The following FGF12 variants were observed in gnomAD, a reference collection of about 807,000 sequenced individuals.
The protein encoded by FGF12 is fibroblast growth factor 12.
In FGF12, 14 loss-of-function variants were observed where a neutral mutation model predicts 23.6. That is an observed-to-expected ratio of 0.59 (90% CI 0.39 to 0.93). The LOEUF (loss-of-function observed/expected upper bound fraction) is 0.93, where lower values mean the gene tolerates loss of function less well. FGF12 is among the 40% of genes least tolerant of loss of function. The probability of loss-of-function intolerance (pLI) is 0.00; values close to 1 mark genes in which losing one functional copy is unlikely to be tolerated. For missense variants in FGF12, 175 were observed against 217.8 expected (o/e 0.80, Z 1.24); for synonymous variants, 62 against 77.3 (o/e 0.80, Z 1.04).
At chr3:192,508,688 T>C (rs1724384711) in intron 2 of FGF12, among the ~76,000 whole-genome samples, 1 of 152,196 alleles carries the variant, frequency 6.6e-6, no homozygotes, top group African/African-American at 2.4e-5. Flanking sequence ...TGTTAAAAAT[T>C]GCTTCTTTTT....
intron 2 of FGF12, among the ~76,000 whole-genome samples, chr3:192,701,275 T>A (rs7634764): frequency 6.6e-6 from 1 of 151,904 alleles, no homozygotes; most frequent in Non-Finnish European, 1.5e-5. Flanking sequence ...TCTTTCCAGA[T>A]GGAACCAACA....
chr3:192,251,837 A>G (rs1712032536), intron 4 of FGF12, among the ~76,000 whole-genome samples: 1 of 152,078 alleles, frequency 6.6e-6, no homozygotes, highest in South Asian at 2.1e-4. Flanking sequence ...CTTGATGGAG[A>G]GCTTTGTCTG....
chr3:192,713,050 G>A (rs1048691822), intron 2 of FGF12, among the ~76,000 whole-genome samples: 4 of 152,064 alleles, frequency 2.6e-5, no homozygotes, highest in African/African-American at 7.2e-5. Context: ...AGCTGGGCAC[G>A]TAAAAACAAG....
At chr3:192,253,000 T>G (rs1257143589) in intron 4 of FGF12, among the ~76,000 whole-genome samples, 4 of 152,140 alleles carry the variant, frequency 2.6e-5, no homozygotes. Context: ...GAAATGCATA[T>G]CCTTGAAAAT....
chr3:192,539,654 C>T, intron 2 of FGF12, among the ~76,000 whole-genome samples: 1 of 152,112 alleles, frequency 6.6e-6, no homozygotes, highest in East Asian at 1.9e-4. Context: ...CAGGGTAATA[C>T]TGGCCTCATA....
chr3:192,551,897 A>G (rs547796351), intron 2 of FGF12, among the ~76,000 whole-genome samples: 2 of 152,300 alleles, frequency 1.3e-5, no homozygotes, highest in East Asian at 1.9e-4. Context: ...ACAAATCCCA[A>G]CATGATAGAG....
intron 4 of FGF12, among the ~76,000 whole-genome samples, chr3:192,192,749 T>A (rs771689084): frequency 6.6e-6 from 1 of 152,114 alleles, no homozygotes; most frequent in Non-Finnish European, 1.5e-5. Context: ...TTTAATTCTA[T>A]ATTGTTGCAT....
chr3:192,235,162 A>G (rs1452166446), intron 4 of FGF12, among the ~76,000 whole-genome samples: 3 of 152,096 alleles, frequency 2.0e-5, no homozygotes, highest in Non-Finnish European at 4.4e-5. Context: ...CTGTGAGTCC[A>G]TCTGGTTCAG....
chr3:192,553,154 C>G (rs1379735775), intron 2 of FGF12, among the ~76,000 whole-genome samples: 1 of 151,894 alleles, frequency 6.6e-6, no homozygotes, highest in Non-Finnish European at 1.5e-5. Flanking sequence ...GATTGAAGCA[C>G]AGATATGCAA....
At position 192,523,982 on chromosome 3, in the gene FGF12, T is replaced by C. The variant is rs1458601069; in HGVS notation, c.14-163444A>G. On this transcript the variant is annotated intron_variant, in intron 2 of 5. Coordinates refer to ENST00000445105, the MANE Select transcript of FGF12 (RefSeq NM_004113.6). ...ATATGTATATGTGGAATGACTTCATTTGGGGTTTTAGGGAATAAAATTTTA... is the reference window on the plus strand; with the variant it reads ...ATATGTATATGTGGAATGACTTCATCTGGGGTTTTAGGGAATAAAATTTTA... Among the ~76,000 whole-genome samples the C allele has an allele frequency of 1.3e-5, 2 of 152,180 alleles. 1 individual carries two copies. Among genetic ancestry groups the C allele is most frequent in the Non-Finnish European group, 2.9e-5 (2 of 68,030 alleles).
chr3:192,714,685 A>AT (rs916019732), intron 2 of FGF12, among the ~76,000 whole-genome samples: 1 of 151,628 alleles, frequency 6.6e-6, no homozygotes, highest in Non-Finnish European at 1.5e-5. Context: ...CGTCCGGCTA[A>AT]TTTTTTGTAT....
intron 2 of FGF12, among the ~76,000 whole-genome samples, chr3:192,641,404 CTTT>C (rs1186966084): frequency 1.3e-4 from 4 of 30,260 alleles, no homozygotes; most frequent in Non-Finnish European, 2.3e-4. Flanking sequence ...CGCGCCCGGC[CTTT>C]TTTTTTTTTT....
At chr3:192,461,981 ACT>A (rs1722878578) in intron 2 of FGF12, among the ~76,000 whole-genome samples, 1 of 151,346 alleles carries the variant, frequency 6.6e-6, no homozygotes, top group South Asian at 2.1e-4. Context: ...CAAGAGCGAA[ACT>A]CTGTCACAAG....
chr3:192,279,853 T>C (rs371058159), intron 4 of FGF12, among the ~76,000 whole-genome samples: 14 of 152,350 alleles, frequency 9.2e-5, no homozygotes, highest in East Asian at 3.9e-4. Flanking sequence ...CCAGGGTCCC[T>C]TCCAGATTTG....
chr3:192,196,216 C>A (rs533001561), intron 4 of FGF12, among the ~76,000 whole-genome samples: 1 of 152,046 alleles, frequency 6.6e-6, no homozygotes, highest in Non-Finnish European at 1.5e-5. Flanking sequence ...GCACTATTCA[C>A]AATAAACAAG....
At chr3:192,656,304 CACACACACACACACACAGAG>C (rs1229773440) in intron 2 of FGF12, among the ~76,000 whole-genome samples, 1 of 92,566 alleles carries the variant, frequency 1.1e-5, no homozygotes, top group Non-Finnish European at 2.6e-5. Context: ...CACACACACA[CACACACACACACACACAGAG>C]AGAGAATTAT....
chr3:192,567,753 C>CTTTCTTTCT (rs1553831581), intron 2 of FGF12, among the ~76,000 whole-genome samples: 3 of 126,120 alleles, frequency 2.4e-5, no homozygotes, highest in Admixed American at 8.1e-5. Flanking sequence ...TTCTTTCTTT[C>CTTTCTTTCT]TTTCTTTCTT....
chr3:192,577,657 G>A (rs1487794839), intron 2 of FGF12, among the ~76,000 whole-genome samples: 4 of 152,178 alleles, frequency 2.6e-5, no homozygotes, highest in East Asian at 1.9e-4. Context: ...AGACTAAAGT[G>A]ATATGATTGA....
chr3:192,381,020 T>A lies in FGF12; in HGVS notation c.14-20482A>T, dbSNP rs1159826899. On this transcript the variant is annotated intron_variant, in intron 2 of 5. Coordinates refer to ENST00000445105, the MANE Select transcript of FGF12 (RefSeq NM_004113.6). Reference sequence around the variant, plus strand: ...CCAAATTAGTAGTGAATATAGAAATTATTGCAATATCATACATTCATTTTC... The same window carrying A: ...CCAAATTAGTAGTGAATATAGAAATAATTGCAATATCATACATTCATTTTC... Among the ~76,000 whole-genome samples, 3 of 151,172 alleles carry A rather than the reference T, an allele frequency of 2.0e-5. No individual in the cohort carries two copies. The East Asian group carries it at 5.8e-4, about 29-fold the overall frequency.
Sources: gnomAD v4.1 joint callset for allele counts (sites outside exome capture counted in the v4.1 genomes callset) on GRCh38, gnomAD v4.1.1 for gene constraint, MANE v1.5 for transcripts, NCBI Gene and HGNC (gene_info 2026-07-23, HGNC 2026-07-21) for gene names.